ATM: variants seen among roughly 807,000 people sequenced by gnomAD.
ATM encodes the protein ATM serine/threonine kinase.
A neutral mutation model predicts 387.0 loss-of-function variants in ATM; 308 were observed. The ratio of observed to expected loss-of-function variants is 0.80; its 90% CI spans 0.73 to 0.87. The LOEUF is 0.87. Among genes scored for constraint, ATM ranks in the 40% least tolerant of loss-of-function variants. ATM has a pLI of 0.00. For synonymous variants in ATM, 1,156 were observed against 1,187.3 expected, an observed-to-expected ratio of 0.97 and a Z score of 0.54; for missense variants, 3,312 against 3,560.9, an observed-to-expected ratio of 0.93 and a Z score of 1.78.
intron 45 of ATM, 113 bp downstream of exon 45, chr11:108,321,533 A>G (rs2085224392): frequency 6.7e-6 from 10 of 1,494,104 alleles, no homozygotes; most frequent in Non-Finnish European, 9.2e-6. Context: ...CTGTAATCCT[A>G]GCACTTTAGA....
At chr11:108,267,806 C>T (rs539050844) in intron 17 of ATM, among the ~76,000 whole-genome samples, 19 of 152,210 alleles carry the variant, frequency 1.2e-4, no homozygotes, top group African/African-American at 3.6e-4. Context: ...TGCAGTGAGC[C>T]GAGATCATGC....
At position 108,268,481 on chromosome 11, in the gene ATM, T is replaced by C; in HGVS notation, c.2710T>C (p.Leu904=). 6.2e-7 allele frequency: 1 copy of C among 1,614,082 alleles called. No individual in the cohort carries two copies. Among genetic ancestry groups the C allele is most frequent in the East Asian group, 2.2e-5 (1 of 44,862 alleles). ...DLLFLDMLKF[L]CLCVTTAQTN... ...ACTTTTCTTAGACATGCTCAAGTTC[T>C]TGTGTTTGTGTGTAACTACTGCTCA... The change falls in exon 18 of 63, where the codon TTG becomes CTG. Residue 904 remains leucine (L), a synonymous_variant. Transcript: ENST00000675843.
Position 108,293,309 on chromosome 11 carries a change from T to G in ATM, c.4612-4T>G, listed in dbSNP as rs569983068. On this transcript the variant is annotated splice_region_variant and splice_polypyrimidine_tract_variant and intron_variant, in intron 30 of 62. Coordinates refer to ENST00000675843, the MANE Select transcript of ATM (RefSeq NM_000051.4). ...ATAATTTTTTCTTTTTAAATTATATTTAGGTATTGGACTTGTTGAAATACT... is the reference window on the plus strand; with the variant it reads ...ATAATTTTTTCTTTTTAAATTATATGTAGGTATTGGACTTGTTGAAATACT... 15 of 1,483,710 alleles carry G rather than the reference T, an allele frequency of 1.0e-5. No individual in the cohort carries two copies. The highest frequency in any genetic ancestry group is 1.3e-5 in the Non-Finnish European group (14 of 1,086,000). 91.9% of individuals were successfully genotyped at this position (1,483,710 alleles called of 1,614,324 possible).
At chr11:108,243,804 G>A (rs2079685843) in intron 5 of ATM, 149 bp from the exon 6 acceptor site, 3 of 711,952 alleles carry the variant, frequency 4.2e-6, no homozygotes, top group Non-Finnish European at 6.7e-6. Context: ...AAATACTGAT[G>A]GAGTACTTTT....
At chr11:108,281,454 T>C (rs1181747733) in intron 24 of ATM, among the ~76,000 whole-genome samples, 3 of 152,284 alleles carry the variant, frequency 2.0e-5, no homozygotes, top group Non-Finnish European at 4.4e-5. Flanking sequence ...GGAAATAGTA[T>C]TTATTGAGGG....
intron 5 of ATM, among the ~76,000 whole-genome samples, chr11:108,243,510 G>C (rs1403263645): frequency 6.6e-6 from 1 of 152,158 alleles, no homozygotes; most frequent in Non-Finnish European, 1.5e-5. Context: ...CTACTTGGGA[G>C]ACTGAGGCAT....
chr11:108,272,843 C>T lies in ATM; in HGVS notation c.3275C>T (p.Ser1092Leu), dbSNP rs774197372. ...CAAGTTCGCATGTTGGCTGCAGAGT[C>T]AATCAATAGGTAATGGGTCAAATAT... ...HHQVRMLAAE[S>L]INRLFQDTKG... Residue 1092 changes from serine to leucine, a missense_variant, in exon 22 of 63, where the codon TCA (serine) becomes TTA (leucine). Around this residue, in one of 4 missense-constraint regions of ATM, gnomAD observed 1,791 missense variants for 1,804.5 expected, o/e 0.99. Coordinates refer to ENST00000675843, the MANE Select transcript of ATM (RefSeq NM_000051.4). 1 of 1,613,978 alleles carries T rather than the reference C, an allele frequency of 6.2e-7. No individual in the cohort carries two copies. Among genetic ancestry groups the T allele is most frequent in the South Asian group, 1.1e-5 (1 of 91,074 alleles).
At chr11:108,280,940 T>C in intron 23 of ATM, 55 bp from the exon 24 acceptor site, 2 of 1,508,456 alleles carry the variant, frequency 1.3e-6, no homozygotes, top group Non-Finnish European at 1.8e-6. Context: ...ATTTTATAAT[T>C]GATTGTTAAA....
At chr11:108,327,533 C>T in intron 47 of ATM, 112 bp from the exon 48 acceptor site, 2 of 818,906 alleles carry the variant, frequency 2.4e-6, no homozygotes, top group South Asian at 1.5e-5. Context: ...TTTTTTTTTC[C>T]CACCCACCAA....
chr11:108,261,252 G>C (rs2080863780), intron 16 of ATM, among the ~76,000 whole-genome samples: 1 of 152,238 alleles, frequency 6.6e-6, no homozygotes, highest in African/African-American at 2.4e-5. Context: ...GCTTTGAAGA[G>C]AGCAGTGGTT....
rs757524704 is a variant in ATM at position 108,365,039 on chromosome 11, A to T, written c.8851-43A>T. ...TCTACTGTTTCTAAGTATGTGATTA[A>T]AATGTACATTGTTCTTTTAATACAT... On this transcript the variant is annotated intron_variant, in intron 61 of 62. Coordinates refer to ENST00000675843, the MANE Select transcript of ATM (RefSeq NM_000051.4). The T allele has an allele frequency of 6.2e-6, 10 of 1,605,798 alleles. No homozygotes were observed. In the South Asian group the frequency reaches 1.1e-4, roughly 18 times the overall value.
intron 60 of ATM, 51 bp downstream of exon 60, chr11:108,353,931 A>G: frequency 2.6e-6 from 4 of 1,515,870 alleles, no homozygotes; most frequent in South Asian, 2.2e-5. Flanking sequence ...TCAAAATTAC[A>G]TGGGCTGGGC....
rs760955058 is a variant in ATM at position 108,347,357 on chromosome 11, T to C, written c.8663T>C (p.Ile2888Thr). 4.4e-6 allele frequency: 7 copies of C among 1,592,710 alleles called. No homozygotes were observed. The highest frequency in any genetic ancestry group is 1.3e-5 in the African/African-American group (1 of 74,516). Residue 2888 changes from isoleucine to threonine, a missense_variant, in exon 59 of 63, where the codon ATA becomes ACA. Around this residue, in one of 4 missense-constraint regions of ATM, gnomAD observed 1,405 missense variants for 1,604.4 expected, o/e 0.88. Coordinates refer to ENST00000675843, the MANE Select transcript of ATM (RefSeq NM_000051.4). ...GAGCAGTCAGCAGAACTTGTACATA[T>C]AGATCTAGGTAAGTAATAAAATCTA... ...INEQSAELVH[I>T]DLGVAFEQGK...
chr11:108,321,333 G>A lies in ATM; in HGVS notation c.6485G>A (p.Ser2162Asn). The change falls in exon 45 of 63, where the codon AGC (serine) becomes AAC (asparagine). Residue 2162 changes from serine to asparagine, a missense_variant. By Grantham distance (46) the Ser-to-Asn change is conservative (BLOSUM62 1). This residue lies in a region of ATM where 1,405 missense variants were observed against 1,604.4 expected (regional missense o/e 0.88). Coordinates refer to ENST00000675843, the MANE Select transcript of ATM (RefSeq NM_000051.4). ...VKEVEEMCKR[S>N]LESVYSLYPT... is the part of the protein sequence containing the mutation. ...GAAGTGGAAGAGATGTGTAAGCGCA[G>A]CCTTGAGTCTGTGTATTCGCTCTAT... 6.2e-7 allele frequency: 1 copy of A among 1,614,160 alleles called. No individual in the cohort carries two copies. Among genetic ancestry groups the A allele is most frequent in the Non-Finnish European group, 8.5e-7 (1 of 1,180,026 alleles).
At chr11:108,284,939 T>C (rs2082415458) in intron 26 of ATM, among the ~76,000 whole-genome samples, 1 of 152,088 alleles carries the variant, frequency 6.6e-6, no homozygotes, top group Non-Finnish European at 1.5e-5. Context: ...TAATGTATGA[T>C]ACAATTTACC....
Position 108,295,003 on chromosome 11 carries a change from G to A in ATM, c.4853G>A (p.Arg1618Gln), listed in dbSNP as rs765759912. ...LTRLEGLKDL[R>Q]RQLELHKDQM... The stretch of plus-strand genomic sequence containing the variant: ...AGACTTGAAGGACTAAAGGATCTTC[G>A]AAGACAACTGGAACTACATAAAGAT... Residue 1618 changes from arginine (R) to glutamine (Q), a missense_variant, in exon 32 of 63, where the codon CGA becomes CAA. This residue lies in a region of ATM where 1,405 missense variants were observed against 1,604.4 expected (regional missense o/e 0.88). Transcript: ENST00000675843. The A allele has an allele frequency of 2.2e-5, 36 of 1,613,760 alleles. No homozygotes were observed. The highest frequency in any genetic ancestry group is 2.0e-4 in the South Asian group (18 of 91,088).
intron 59 of ATM, among the ~76,000 whole-genome samples, chr11:108,348,924 T>A (rs951364434): frequency 6.6e-6 from 1 of 152,170 alleles, no homozygotes; most frequent in Non-Finnish European, 1.5e-5. Flanking sequence ...ACTAACCACA[T>A]CATCACTATT....
intron 47 of ATM, among the ~76,000 whole-genome samples, chr11:108,326,902 C>T (rs1213597993): frequency 2.6e-5 from 4 of 152,194 alleles, no homozygotes; most frequent in South Asian, 2.1e-4. Flanking sequence ...ATCGGCTCAC[C>T]GCAACCTCCA....
At chr11:108,273,638 G>T (rs1248749699) in intron 22 of ATM, among the ~76,000 whole-genome samples, 1 of 152,082 alleles carries the variant, frequency 6.6e-6, no homozygotes, top group Non-Finnish European at 1.5e-5. Flanking sequence ...CTTTAATCAT[G>T]TAGTTTTTGT....
Sources: allele counts gnomAD v4.1 joint callset (sites outside exome capture counted in the v4.1 genomes callset), GRCh38; gene constraint gnomAD v4.1.1; regional missense constraint gnomAD v4.1.1; transcripts MANE v1.5; gene names NCBI Gene and HGNC (gene_info 2026-07-23, HGNC 2026-07-21).